PTPRM: variants seen among roughly 807,000 people sequenced by gnomAD.
The protein encoded by PTPRM is receptor-type tyrosine-protein phosphatase mu.
A neutral mutation model predicts 186.7 loss-of-function variants in PTPRM; 47 were observed. The ratio of observed to expected loss-of-function variants is 0.25; its 90% CI spans 0.20 to 0.32. The LOEUF is 0.32. PTPRM is among the 10% of genes least tolerant of loss of function. The probability of loss-of-function intolerance (pLI) is 1.00; values close to 1 mark genes in which losing one functional copy is unlikely to be tolerated. For missense variants in PTPRM, 1,494 were observed against 1,865.0 expected (o/e 0.80, Z 3.66); for synonymous variants, 668 against 674.9 (o/e 0.99, Z 0.16).
intron 14 of PTPRM, among the ~76,000 whole-genome samples, chr18:8,160,903 G>A (rs942571132): frequency 2.0e-5 from 3 of 152,128 alleles, no homozygotes; most frequent in Admixed American, 6.6e-5. Context: ...GGAAAAGGCC[G>A]CTTAGTGTAA....
chr18:7,659,708 C>CT (rs960221855), intron 1 of PTPRM, among the ~76,000 whole-genome samples: 2 of 152,154 alleles, frequency 1.3e-5, no homozygotes, highest in Non-Finnish European at 2.9e-5. Context: ...CTGAATATAT[C>CT]TTTTTTATAT....
At chr18:7,660,987 A>C (rs2038966380) in intron 1 of PTPRM, among the ~76,000 whole-genome samples, 1 of 152,086 alleles carries the variant, frequency 6.6e-6, no homozygotes, top group Admixed American at 6.6e-5. Context: ...GAAAGAAAAA[A>C]AAAGCAAAGA....
At chr18:8,029,056 G>A (rs952244962) in intron 7 of PTPRM, among the ~76,000 whole-genome samples, 1 of 152,240 alleles carries the variant, frequency 6.6e-6, no homozygotes, top group Non-Finnish European at 1.5e-5. Flanking sequence ...CTTACTGCCT[G>A]TATATCCTAC....
chr18:8,127,070 C>A (rs929468862), intron 13 of PTPRM, among the ~76,000 whole-genome samples: 3 of 151,762 alleles, frequency 2.0e-5, no homozygotes, highest in Non-Finnish European at 4.4e-5. Flanking sequence ...GTACTCCAAG[C>A]CACACTAGAA....
At chr18:8,372,473 T>C (rs182056727) in intron 24 of PTPRM, among the ~76,000 whole-genome samples, 40 of 152,368 alleles carry the variant, frequency 2.6e-4, no homozygotes, top group Admixed American at 5.9e-4. Context: ...TTGGCTAATT[T>C]AGTCTGATGT....
intron 19 of PTPRM, among the ~76,000 whole-genome samples, chr18:8,254,624 T>A (rs1352712027): frequency 6.6e-6 from 1 of 152,236 alleles, no homozygotes; most frequent in African/African-American, 2.4e-5. Flanking sequence ...AATCTGTTTC[T>A]ACCACCTGGA....
chr18:8,251,351 A>G (rs2094526751), intron 17 of PTPRM, among the ~76,000 whole-genome samples: 2 of 152,212 alleles, frequency 1.3e-5, no homozygotes, highest in South Asian at 4.1e-4. Context: ...TTAATGTTCC[A>G]TTTATTTTAG....
rs114497401 is a variant in PTPRM at position 8,229,922 on chromosome 18, A to T, written c.2301-14136A>T. Among the ~76,000 whole-genome samples the T allele has an allele frequency of 4.2e-3, 632 of 152,250 alleles. 3 individuals are homozygous for T. Among genetic ancestry groups the T allele is most frequent in the African/African-American group, 0.015 (604 of 41,536 alleles). On this transcript the variant is annotated intron_variant, in intron 14 of 32. Transcript: ENST00000580170. Reference sequence around the variant, plus strand: ...TCTTTGCTTCTTTTGCTCTGGTGCAAGTTCATTTGCAGACACCTTTCCTCA... The same window carrying T: ...TCTTTGCTTCTTTTGCTCTGGTGCATGTTCATTTGCAGACACCTTTCCTCA...
At chr18:7,683,775 G>C (rs1227452438) in intron 1 of PTPRM, among the ~76,000 whole-genome samples, 1 of 152,082 alleles carries the variant, frequency 6.6e-6, no homozygotes, top group Non-Finnish European at 1.5e-5. Context: ...TGAAGTGAGC[G>C]GGCTTGCTAT....
chr18:7,799,718 AT>A (rs1253063054), intron 2 of PTPRM, among the ~76,000 whole-genome samples: 1 of 152,182 alleles, frequency 6.6e-6, no homozygotes, highest in Non-Finnish European at 1.5e-5. Context: ...TTTAAAAAAA[AT>A]GTTGCTGATA....
At chr18:8,387,029 C>G in intron 30 of PTPRM, 43 bp from the exon 31 acceptor site, 1 of 1,526,552 alleles carries the variant, frequency 6.6e-7, no homozygotes, top group South Asian at 1.1e-5. Flanking sequence ...TAAATAATGC[C>G]TGTTTTCTTT....
chr18:7,832,587 T>G lies in PTPRM; in HGVS notation c.197-55519T>G, dbSNP rs564523806. Among the ~76,000 whole-genome samples, 10 of 152,300 alleles carry G rather than the reference T, an allele frequency of 6.6e-5. No individual in the cohort carries two copies. In the South Asian group the frequency reaches 1.4e-3, roughly 22 times the overall value. ...CAGGTTGTCTCTTCATATGGTTGATTATTTCCTTTGCTGTGCAGAAGCTTT... is the reference window on the plus strand; with the variant it reads ...CAGGTTGTCTCTTCATATGGTTGATGATTTCCTTTGCTGTGCAGAAGCTTT... On this transcript the variant is annotated intron_variant, in intron 2 of 32. Transcript: ENST00000580170.
intron 20 of PTPRM, 123 bp downstream of exon 20, chr18:8,296,578 G>T: frequency 1.5e-6 from 1 of 664,674 alleles, no homozygotes; most frequent in Non-Finnish European, 2.7e-6. Context: ...TTCTAGAACA[G>T]CTGGTGTTAA....
At chr18:7,603,854 T>C (rs1041312422) in intron 1 of PTPRM, among the ~76,000 whole-genome samples, 4 of 152,210 alleles carry the variant, frequency 2.6e-5, no homozygotes, top group Admixed American at 6.5e-5. Context: ...AGCATACACA[T>C]GCTTGGGCCA....
In PTPRM at chr18:8,267,946, A is replaced by T. The variant is rs548011456; in HGVS notation, c.2754+14532A>T. ...AATTGTTCGTATCCTTTGCATCTTT[A>T]CCCACTAGAGTATTATTATTTGTCT... On this transcript the variant is annotated intron_variant, in intron 19 of 32. Coordinates refer to ENST00000580170, the MANE Select transcript of PTPRM (RefSeq NM_001105244.2). Among the ~76,000 whole-genome samples, 4 of 152,266 alleles carry T rather than the reference A, an allele frequency of 2.6e-5. No individual in the cohort carries two copies. The South Asian group carries it at 8.3e-4, about 32-fold the overall frequency.
intron 3 of PTPRM, among the ~76,000 whole-genome samples, chr18:7,889,965 G>A (rs1443137963): frequency 6.6e-6 from 1 of 152,204 alleles, no homozygotes; most frequent in Non-Finnish European, 1.5e-5. Context: ...TTCAGAAGTG[G>A]TACCAAAGCA....
At chr18:8,006,995 C>T (rs1229916180) in intron 7 of PTPRM, among the ~76,000 whole-genome samples, 2 of 152,168 alleles carry the variant, frequency 1.3e-5, no homozygotes, top group East Asian at 3.8e-4. Context: ...TACTTGTCAA[C>T]TCTGTCCAAA....
chr18:8,015,289 T>C (rs1942961), intron 7 of PTPRM, among the ~76,000 whole-genome samples: 17,445 of 152,248 alleles, frequency 0.11, 1,311 homozygotes, highest in East Asian at 0.27. Flanking sequence ...ACAGAAACAG[T>C]TGATTGACAC....
chr18:8,285,245 A>G (rs2094943627), intron 19 of PTPRM, among the ~76,000 whole-genome samples: 1 of 152,178 alleles, frequency 6.6e-6, no homozygotes, highest in Admixed American at 6.5e-5. Flanking sequence ...TAAAAATTCT[A>G]CTGTAAACAT....
Sources: gnomAD v4.1 joint callset for allele counts (sites outside exome capture counted in the v4.1 genomes callset) on GRCh38, gnomAD v4.1.1 for gene constraint, MANE v1.5 for transcripts, NCBI Gene and HGNC (gene_info 2026-07-23, HGNC 2026-07-21) for gene names.